ZBTB16: variants seen among roughly 807,000 people sequenced by gnomAD.
The protein encoded by ZBTB16 is zinc finger and BTB domain containing 16, also known as zinc finger and BTB domain-containing protein 16.
A neutral mutation model predicts 56.8 loss-of-function variants in ZBTB16; 8 were observed. That is an observed-to-expected ratio of 0.14 (90% CI 0.08 to 0.25). The LOEUF (loss-of-function observed/expected upper bound fraction) is 0.25, where lower values mean the gene tolerates loss of function less well. Among genes scored for constraint, ZBTB16 ranks in the 10% least tolerant of loss-of-function variants. ZBTB16 has a pLI of 1.00. For synonymous variants in ZBTB16, 363 were observed against 368.5 expected (o/e 0.98, Z 0.17); for missense variants, 625 against 903.0 (o/e 0.69, Z 3.95).
chr11:114,115,457 G>A (rs1173004992), intron 2 of ZBTB16, among the ~76,000 whole-genome samples: 1 of 151,430 alleles, frequency 6.6e-6, no homozygotes, highest in Non-Finnish European at 1.5e-5. Context: ...GGCAGGTGTT[G>A]GTTTTAGTGA....
At chr11:114,201,354 A>G (rs751680060) in intron 4 of ZBTB16, among the ~76,000 whole-genome samples, 23 of 152,108 alleles carry the variant, frequency 1.5e-4, no homozygotes, top group Non-Finnish European at 2.9e-4. Context: ...GTCTAAGTTA[A>G]GGAGGTACGT....
At chr11:114,133,273 G>A (rs1025324923) in intron 2 of ZBTB16, among the ~76,000 whole-genome samples, 3 of 152,056 alleles carry the variant, frequency 2.0e-5, no homozygotes, top group South Asian at 4.1e-4. Context: ...AACCAGAGGC[G>A]TTGGCTCCTC....
chr11:114,152,939 T>C (rs1942312508), intron 2 of ZBTB16, among the ~76,000 whole-genome samples: 1 of 152,212 alleles, frequency 6.6e-6, no homozygotes, highest in Non-Finnish European at 1.5e-5. Context: ...AATTTCCATT[T>C]TGATCTAAAT....
intron 2 of ZBTB16, among the ~76,000 whole-genome samples, chr11:114,146,384 C>T (rs1216267090): frequency 6.6e-6 from 1 of 152,140 alleles, no homozygotes; most frequent in East Asian, 1.9e-4. Context: ...AGAAGTCTGG[C>T]GAAGTCTGCC....
At chr11:114,089,077 G>T (rs1426958106) in intron 2 of ZBTB16, among the ~76,000 whole-genome samples, 2 of 152,232 alleles carry the variant, frequency 1.3e-5, no homozygotes, top group Non-Finnish European at 2.9e-5. Context: ...GTACCCACGT[G>T]ATTGGGCCAC....
chr11:114,078,137 T>G (rs1283695472), intron 2 of ZBTB16, among the ~76,000 whole-genome samples: 1 of 152,160 alleles, frequency 6.6e-6, no homozygotes, highest in African/African-American at 2.4e-5. Context: ...ACAGCTGCAT[T>G]TATCATACGG....
chr11:114,154,728 A>G, intron 2 of ZBTB16, among the ~76,000 whole-genome samples: 1 of 152,112 alleles, frequency 6.6e-6, no homozygotes, highest in East Asian at 1.9e-4. Context: ...TGTCATAGAT[A>G]AGGGTGTGTG....
intron 4 of ZBTB16, among the ~76,000 whole-genome samples, chr11:114,210,162 A>AGTGTGTGTGTGTGTGTGTGTGT (rs139074973): frequency 3.0e-5 from 4 of 134,642 alleles, no homozygotes; most frequent in African/African-American, 1.1e-4. Context: ...AGCCAAAGCT[A>AGTGTGTGTGTGTGTGTGTGTGT]GTGTGTGTGT....
chr11:114,221,167 G>A (rs1944222984), intron 4 of ZBTB16, among the ~76,000 whole-genome samples: 1 of 152,202 alleles, frequency 6.6e-6, no homozygotes, highest in African/African-American at 2.4e-5. Flanking sequence ...AAGGAGGGTA[G>A]GGAAGAGCCA....
In ZBTB16 at chr11:114,239,225, C is replaced by T. The variant is rs1211453074; in HGVS notation, c.1454-2942C>T. Among the ~76,000 whole-genome samples, 3 of 152,212 alleles carry T rather than the reference C, an allele frequency of 2.0e-5. No homozygotes were observed. In the East Asian group the frequency reaches 5.8e-4, roughly 29 times the overall value. ...GTCTGGCTGTATAGGCTGAGATGTCCTATTGGGAATGCCATTCATGTTCCC... is the reference window on the plus strand; with the variant it reads ...GTCTGGCTGTATAGGCTGAGATGTCTTATTGGGAATGCCATTCATGTTCCC... On this transcript the variant is annotated intron_variant, in intron 4 of 6. Transcript: ENST00000335953.
chr11:114,188,516 G>T (rs1016983220), intron 4 of ZBTB16: 1 of 152,136 alleles, frequency 6.6e-6, no homozygotes, highest in Non-Finnish European at 1.5e-5. Context: ...GTTGTTGTGG[G>T]GATGAAATAA....
chr11:114,157,681 A>G (rs780812888), intron 3 of ZBTB16, among the ~76,000 whole-genome samples: 1 of 152,028 alleles, frequency 6.6e-6, no homozygotes, highest in South Asian at 2.1e-4. Context: ...TGCAGGGCCC[A>G]TGTGGTTCCG....
intron 3 of ZBTB16, among the ~76,000 whole-genome samples, chr11:114,164,428 T>C (rs1942685750): frequency 6.6e-6 from 1 of 152,220 alleles, no homozygotes; most frequent in South Asian, 2.1e-4. Flanking sequence ...TCTGTCTGTC[T>C]GCCATTTATT....
intron 4 of ZBTB16, among the ~76,000 whole-genome samples, chr11:114,234,503 A>G (rs1425191675): frequency 6.6e-6 from 1 of 152,228 alleles, no homozygotes; most frequent in Non-Finnish European, 1.5e-5. Context: ...TTCATTGCCC[A>G]CATAGCTAGC....
chr11:114,253,785 G>A lies in ZBTB16; in HGVS notation c.*3230G>A, dbSNP rs1015489710. ...ATGTTGCACGGCCTAGTGGCCAGGG[G>A]GCAAGCTAAGAGGCTGTCTGGAGGC... On this transcript the variant is annotated 3_prime_UTR_variant, in exon 7 of 7. Coordinates refer to ENST00000335953, the MANE Select transcript of ZBTB16 (RefSeq NM_006006.6). 8.5e-5 allele frequency among the ~76,000 whole-genome samples: 13 copies of A among 152,236 alleles called. No individual in the cohort carries two copies. Among genetic ancestry groups the A allele is most frequent in the African/African-American group, 2.9e-4 (12 of 41,460 alleles).
rs537457795 is a variant in ZBTB16, at chr11:114,250,132, G to A, written c.1793-194G>A. On this transcript the variant is annotated intron_variant, in intron 6 of 6. Coordinates refer to ENST00000335953, the MANE Select transcript of ZBTB16 (RefSeq NM_006006.6). The surrounding 1 kb of genome is among the most constrained non-coding windows in gnomAD (Gnocchi z 6.0). ...ATTAGAAAACTGTAGAGCTGCAGTC[G>A]CACCAGCCTCATTCATAGCCATGTG... Among the ~76,000 whole-genome samples, 8 of 152,278 alleles carry A rather than the reference G, an allele frequency of 5.3e-5. No individual in the cohort carries two copies. The highest frequency in any genetic ancestry group is 1.9e-4 in the African/African-American group (8 of 41,556).
intron 4 of ZBTB16, among the ~76,000 whole-genome samples, chr11:114,196,109 T>C (rs1209747146): frequency 6.6e-6 from 1 of 152,158 alleles, no homozygotes. Context: ...AAAGGAACCA[T>C]TCCCTGTTGG....
intron 2 of ZBTB16, among the ~76,000 whole-genome samples, chr11:114,137,162 T>C (rs1941818867): frequency 6.6e-6 from 1 of 152,242 alleles, no homozygotes; most frequent in Non-Finnish European, 1.5e-5. Context: ...GTTTCCTGCA[T>C]GCAGCAGTGA....
In ZBTB16 at chr11:114,194,725, C is replaced by T. The variant is rs116012138; in HGVS notation, c.1453+7687C>T. 5.1e-3 allele frequency among the ~76,000 whole-genome samples: 775 copies of T among 152,322 alleles called. 9 individuals are homozygous for T. The highest frequency in any genetic ancestry group is 0.017 in the African/African-American group (687 of 41,554). On this transcript the variant is annotated intron_variant, in intron 4 of 6. Coordinates refer to ENST00000335953, the MANE Select transcript of ZBTB16 (RefSeq NM_006006.6). ...AGTAAAATAAAAGTGAGAAAACACA[C>T]ATACGTGCACGTGCACACCCCCATG...
Sources: gnomAD v4.1 joint callset for allele counts (sites outside exome capture counted in the v4.1 genomes callset) on GRCh38, gnomAD v4.1.1 for gene constraint, Gnocchi (gnomAD v3.1) non-coding constraint, MANE v1.5 for transcripts, NCBI Gene and HGNC (gene_info 2026-07-23, HGNC 2026-07-21) for gene names.